HPSE2: variants seen among roughly 807,000 people sequenced by gnomAD.
The protein encoded by HPSE2 is heparanase 2 (inactive).
A neutral mutation model predicts 60.5 loss-of-function variants in HPSE2; 38 were observed. The ratio of observed to expected loss-of-function variants is 0.63; its 90% CI spans 0.48 to 0.82. The LOEUF is 0.82. HPSE2 is among the 40% of genes least tolerant of loss of function. HPSE2 has a pLI of 0.00. For missense variants in HPSE2, 713 were observed against 740.4 expected, an observed-to-expected ratio of 0.96 and a Z score of 0.43; for synonymous variants, 295 against 293.2, an observed-to-expected ratio of 1.01 and a Z score of -0.06.
the HPSE2 span, among the ~76,000 whole-genome samples, chr10:99,276,936 A>G: frequency 6.6e-6 from 1 of 152,222 alleles, no homozygotes; most frequent in Admixed American, 6.5e-5. Flanking sequence ...GAAACCATTT[A>G]TACTTCTGTC....
At chr10:99,163,455 C>G (rs1477540191) in intron 2 of HPSE2, among the ~76,000 whole-genome samples, 1 of 152,112 alleles carries the variant, frequency 6.6e-6, no homozygotes, top group Admixed American at 6.6e-5. Flanking sequence ...TAACCACCAT[C>G]ATAAATCCTG....
chr10:98,581,122 A>T (rs1398047740), intron 9 of HPSE2, among the ~76,000 whole-genome samples: 2 of 151,622 alleles, frequency 1.3e-5, no homozygotes, highest in Non-Finnish European at 2.9e-5. Flanking sequence ...TGTGTTTTTA[A>T]TAGAGATAGG....
chr10:98,952,932 G>A (rs1188757597), intron 3 of HPSE2, among the ~76,000 whole-genome samples: 2 of 152,084 alleles, frequency 1.3e-5, no homozygotes, highest in African/African-American at 2.4e-5. Context: ...GGGAGTTAGG[G>A]CTTCAATATA....
chr10:98,892,504 G>A (rs1953364007), intron 3 of HPSE2, among the ~76,000 whole-genome samples: 1 of 152,148 alleles, frequency 6.6e-6, no homozygotes, highest in Admixed American at 6.5e-5. Flanking sequence ...AATAAATCCA[G>A]AAATGAACAA....
chr10:98,803,940 C>T (rs541637415), intron 3 of HPSE2, among the ~76,000 whole-genome samples: 2 of 152,034 alleles, frequency 1.3e-5, no homozygotes, highest in African/African-American at 4.8e-5. Context: ...GATATTGATT[C>T]TTCCTACCCA....
At chr10:98,888,135 A>AACACACACACACACACACACACAC (rs3043548) in intron 3 of HPSE2, among the ~76,000 whole-genome samples, 4 of 140,710 alleles carry the variant, frequency 2.8e-5, no homozygotes, top group African/African-American at 7.8e-5. Context: ...TTTTAAAACA[A>AACACACACACACACACACACACAC]ACACACACAC....
At position 98,933,418 on chromosome 10, in the gene HPSE2, A is replaced by AG. The variant is rs1380599087; in HGVS notation, c.611-189363_611-189362insC. ...AAGTGCCATGTGGCACCAAAAAGAAATGTATATTCTGTTGTTTTTGAGTGG... is the reference window on the plus strand; with the variant it reads ...AAGTGCCATGTGGCACCAAAAAGAAAGTGTATATTCTGTTGTTTTTGAGTGG... On this transcript the variant is annotated intron_variant, in intron 3 of 11. Coordinates refer to ENST00000370552, the MANE Select transcript of HPSE2 (RefSeq NM_021828.5). Among the ~76,000 whole-genome samples the AG allele has an allele frequency of 2.1e-5, 3 of 144,358 alleles. 1 individual carries two copies. Among genetic ancestry groups the AG allele is most frequent in the Non-Finnish European group, 4.5e-5 (3 of 67,228 alleles). The allele number at this position is 144,358 out of a possible 152,430, so 94.7% of individuals were successfully genotyped here.
At chr10:99,227,381 A>T (rs1849505606) in intron 2 of HPSE2, among the ~76,000 whole-genome samples, 1 of 152,146 alleles carries the variant, frequency 6.6e-6, no homozygotes, top group Admixed American at 6.5e-5. Flanking sequence ...GCAAAAGTAA[A>T]GGCAAGGTAG....
intron 2 of HPSE2, among the ~76,000 whole-genome samples, chr10:99,231,047 C>G (rs944316337): frequency 6.6e-6 from 1 of 152,092 alleles, no homozygotes; most frequent in Non-Finnish European, 1.5e-5. Context: ...AAAGATATAG[C>G]CTTAAACACC....
At chr10:98,860,713 T>A (rs1952437948) in intron 3 of HPSE2, among the ~76,000 whole-genome samples, 1 of 152,320 alleles carries the variant, frequency 6.6e-6, no homozygotes, top group Non-Finnish European at 1.5e-5. Context: ...ATAACCTCTT[T>A]TGCAACTTTT....
chr10:99,138,418 T>C (rs567650375), intron 3 of HPSE2, among the ~76,000 whole-genome samples: 3 of 152,138 alleles, frequency 2.0e-5, no homozygotes, highest in African/African-American at 7.2e-5. Flanking sequence ...TATAAATCAT[T>C]CTACTATAAA....
Position 99,232,519 on chromosome 10 carries a change from G to T in HPSE2, c.291-14C>A, listed in dbSNP as rs920630967. On this transcript the variant is annotated splice_polypyrimidine_tract_variant and intron_variant, in intron 1 of 11. Coordinates refer to ENST00000370552, the MANE Select transcript of HPSE2 (RefSeq NM_021828.5). ...AAGCGCTTGGAGCTGCAGAGGAAGA[G>T]AATAAGAGAGGAAAGGTTCCCAGGA... The T allele has an allele frequency of 6.4e-7, 1 of 1,550,966 alleles. No homozygotes were observed.
chr10:99,050,512 TA>T (rs1216272062), intron 3 of HPSE2, among the ~76,000 whole-genome samples: 2 of 152,118 alleles, frequency 1.3e-5, no homozygotes, highest in Non-Finnish European at 2.9e-5. Context: ...ATGAATTATG[TA>T]TGTCAAAGAG....
chr10:98,522,413 C>T (rs1002398750), intron 9 of HPSE2, among the ~76,000 whole-genome samples: 2 of 151,840 alleles, frequency 1.3e-5, no homozygotes, highest in African/African-American at 2.4e-5. Context: ...AGGCAGTTCC[C>T]GGGGGGCGGG....
At chr10:98,488,622 C>T (rs1049202818) in intron 10 of HPSE2, among the ~76,000 whole-genome samples, 15 of 152,226 alleles carry the variant, frequency 9.9e-5, no homozygotes, top group Non-Finnish European at 1.9e-4. Flanking sequence ...GACTGATATG[C>T]TTTCCAACAG....
At chr10:98,742,007 T>C (rs867002789) in intron 4 of HPSE2, among the ~76,000 whole-genome samples, 24 of 152,160 alleles carry the variant, frequency 1.6e-4, no homozygotes, top group African/African-American at 4.3e-4. Context: ...AAATAGAAGA[T>C]GGGATGGAAA....
intron 2 of HPSE2, among the ~76,000 whole-genome samples, chr10:99,152,233 C>G (rs1242785800): frequency 6.6e-6 from 1 of 150,948 alleles, no homozygotes; most frequent in African/African-American, 2.4e-5. Context: ...ATGGTGTGAA[C>G]CTGGGAGGCA....
intron 2 of HPSE2, among the ~76,000 whole-genome samples, chr10:99,206,412 G>C (rs1201139388): frequency 6.6e-6 from 1 of 152,002 alleles, no homozygotes; most frequent in African/African-American, 2.4e-5. Flanking sequence ...CCTAGCCTGG[G>C]CAACATGGTG....
intron 3 of HPSE2, among the ~76,000 whole-genome samples, chr10:98,857,739 C>T (rs1477429656): frequency 6.6e-6 from 1 of 151,954 alleles, no homozygotes; most frequent in African/African-American, 2.4e-5. Context: ...AATGGAGGGA[C>T]CCAAGGACTT....
Sources: gnomAD v4.1 joint callset for allele counts (sites outside exome capture counted in the v4.1 genomes callset) on GRCh38, gnomAD v4.1.1 for gene constraint, MANE v1.5 for transcripts, NCBI Gene and HGNC (gene_info 2026-07-23, HGNC 2026-07-21) for gene names.